ROBO2: variants seen among roughly 807,000 people sequenced by gnomAD.
The protein encoded by ROBO2 is roundabout homolog 2.
ROBO2 carries 53 observed loss-of-function variants against 160.8 expected under a neutral mutation model. The observed-to-expected ratio is 0.33, with a 90% CI of 0.26 to 0.41. ROBO2 has a LOEUF of 0.41. ROBO2 is among the 10% of genes least tolerant of loss of function. The pLI is 1.00. For synonymous variants in ROBO2, 664 were observed against 611.7 expected (o/e 1.09, Z -1.26); for missense variants, 1,577 against 1,722.4 (o/e 0.92, Z 1.49).
chr3:76,285,045 C>T (rs534320623), intron 2 of ROBO2, among the ~76,000 whole-genome samples: 47 of 152,178 alleles, frequency 3.1e-4, no homozygotes, highest in African/African-American at 8.9e-4. Flanking sequence ...TATTTGAGTT[C>T]GGAGGCAAGT....
At chr3:77,623,256 G>A (rs568751112) in intron 23 of ROBO2, among the ~76,000 whole-genome samples, 1 of 150,508 alleles carries the variant, frequency 6.6e-6, no homozygotes, top group African/African-American at 2.4e-5. Context: ...TGTGTAGACC[G>A]AGCTACTACA....
At chr3:77,350,936 A>T (rs576434787) in intron 2 of ROBO2, among the ~76,000 whole-genome samples, 83 of 152,346 alleles carry the variant, frequency 5.4e-4, no homozygotes, top group African/African-American at 1.8e-3. Context: ...TTTCTGATTT[A>T]TCAAGCACAG....
intron 2 of ROBO2, among the ~76,000 whole-genome samples, chr3:75,988,255 T>A (rs769554144): frequency 6.6e-6 from 1 of 152,140 alleles, no homozygotes; most frequent in Non-Finnish European, 1.5e-5. Flanking sequence ...TGATTTAGTC[T>A]TCGTATGTTG....
At chr3:77,420,477 T>C (rs1396606762) in intron 2 of ROBO2, among the ~76,000 whole-genome samples, 1 of 152,180 alleles carries the variant, frequency 6.6e-6, no homozygotes, top group Non-Finnish European at 1.5e-5. Context: ...CCAAATTTCC[T>C]GGGCACACAT....
chr3:76,489,996 CT>C (rs1231143502), intron 2 of ROBO2, among the ~76,000 whole-genome samples: 5 of 152,104 alleles, frequency 3.3e-5, no homozygotes, highest in African/African-American at 4.8e-5. Flanking sequence ...ATTATTTGCT[CT>C]GCTCATCTGT....
chr3:77,318,920 T>C (rs1363825748), intron 2 of ROBO2, among the ~76,000 whole-genome samples: 2 of 152,178 alleles, frequency 1.3e-5, no homozygotes, highest in Non-Finnish European at 2.9e-5. Context: ...CTTTAGTGCA[T>C]TTGAGACTCT....
At chr3:75,973,041 A>G (rs1192959323) in intron 2 of ROBO2, among the ~76,000 whole-genome samples, 1 of 151,714 alleles carries the variant, frequency 6.6e-6, no homozygotes, top group Non-Finnish European at 1.5e-5. Context: ...AATTTAAGCT[A>G]TTCTAAATAA....
chr3:76,202,062 A>G (rs1462197676), intron 2 of ROBO2, among the ~76,000 whole-genome samples: 2 of 152,158 alleles, frequency 1.3e-5, no homozygotes, highest in African/African-American at 2.4e-5. Context: ...GACTGCTTCA[A>G]TGTTTATGTG....
intron 1 of ROBO2, among the ~76,000 whole-genome samples, chr3:77,081,953 C>G (rs1160190173): frequency 6.6e-6 from 1 of 152,146 alleles, no homozygotes; most frequent in East Asian, 1.9e-4. Flanking sequence ...CCCTGCCCTC[C>G]AGGAACCAGG....
intron 2 of ROBO2, among the ~76,000 whole-genome samples, chr3:76,950,419 T>A (rs972196210): frequency 6.6e-6 from 1 of 152,210 alleles, no homozygotes; most frequent in Non-Finnish European, 1.5e-5. Flanking sequence ...CATCAAACTC[T>A]CATTTTCTAG....
chr3:76,552,238 T>C (rs893688455), intron 2 of ROBO2, among the ~76,000 whole-genome samples: 10 of 152,194 alleles, frequency 6.6e-5, no homozygotes, highest in African/African-American at 2.4e-4. Flanking sequence ...CCATTTTATA[T>C]CAGCAACTTG....
chr3:75,915,948 A>G (rs1310682043), intron 1 of ROBO2, among the ~76,000 whole-genome samples: 3 of 152,228 alleles, frequency 2.0e-5, no homozygotes, highest in African/African-American at 7.2e-5. Context: ...CAATATTTGG[A>G]TAGGTAACAC....
chr3:77,092,793 A>G (rs1198482124), intron 1 of ROBO2, among the ~76,000 whole-genome samples: 1 of 150,526 alleles, frequency 6.6e-6, no homozygotes, highest in Admixed American at 6.6e-5. Flanking sequence ...TATCTGTTCT[A>G]ATAGGAATCT....
At chr3:76,037,723 A>G (rs1481775474) in intron 2 of ROBO2, among the ~76,000 whole-genome samples, 2 of 152,076 alleles carry the variant, frequency 1.3e-5, no homozygotes, top group African/African-American at 4.8e-5. Context: ...GGAGAAAAAT[A>G]TATGAAAGAA....
chr3:76,044,239 A>G (rs561886756), intron 2 of ROBO2, among the ~76,000 whole-genome samples: 1 of 152,194 alleles, frequency 6.6e-6, no homozygotes, highest in African/African-American at 2.4e-5. Context: ...AGCTGGAACC[A>G]AGTTATCACG....
intron 2 of ROBO2, among the ~76,000 whole-genome samples, chr3:76,145,026 TA>T (rs2071831948): frequency 6.6e-6 from 1 of 152,048 alleles, no homozygotes; most frequent in Non-Finnish European, 1.5e-5. Flanking sequence ...TTTCTTCATT[TA>T]TTTTTAAAAT....
intron 21 of ROBO2, among the ~76,000 whole-genome samples, chr3:77,611,927 G>T (rs2094651253): frequency 6.6e-6 from 1 of 152,134 alleles, no homozygotes; most frequent in African/African-American, 2.4e-5. Context: ...TAATTAAATT[G>T]AAAAGTGGGG....
At chr3:76,383,815 C>G (rs1489277961) in intron 2 of ROBO2, among the ~76,000 whole-genome samples, 1 of 152,142 alleles carries the variant, frequency 6.6e-6, no homozygotes, top group Non-Finnish European at 1.5e-5. Flanking sequence ...GAACAGGTGA[C>G]CTGAAAAGCA....
In ROBO2 at chr3:77,260,729, G is replaced by A. The variant is rs574637460; in HGVS notation, c.388+162389G>A. On this transcript the variant is annotated intron_variant, in intron 2 of 25. Transcript: ENST00000461745. ...GAAGATGAAGTTTGTCCAATTATTC[G>A]ATGACAGTAGGACTTGTCAGGAGAG... Among the ~76,000 whole-genome samples, 4 of 152,286 alleles carry A rather than the reference G, an allele frequency of 2.6e-5. No individual in the cohort carries two copies. The East Asian group carries it at 5.8e-4, about 22-fold the overall frequency.
Sources: allele counts gnomAD v4.1 joint callset (sites outside exome capture counted in the v4.1 genomes callset), GRCh38; gene constraint gnomAD v4.1.1; transcripts MANE v1.5; gene names NCBI Gene and HGNC (gene_info 2026-07-23, HGNC 2026-07-21).